The following AGPAT4 variants were observed in gnomAD, a reference collection of about 807,000 sequenced individuals.
The protein encoded by AGPAT4 is 1-acyl-sn-glycerol-3-phosphate acyltransferase delta.
A neutral mutation model predicts 48.0 loss-of-function variants in AGPAT4; 15 were observed. That is an observed-to-expected ratio of 0.31 (90% CI 0.21 to 0.48). The LOEUF (loss-of-function observed/expected upper bound fraction) is 0.48. Among genes scored for constraint, AGPAT4 ranks in the 20% least tolerant of loss-of-function variants. AGPAT4 has a pLI of 0.99. For synonymous variants in AGPAT4, 178 were observed against 198.7 expected, an observed-to-expected ratio of 0.90 and a Z score of 0.88; for missense variants, 314 against 482.5, an observed-to-expected ratio of 0.65 and a Z score of 3.27.
At position 161,144,841 on chromosome 6, in the gene AGPAT4, C is replaced by A. The variant is rs956114293; in HGVS notation, c.843+1683G>T. 6.6e-6 allele frequency among the ~76,000 whole-genome samples: 1 copy of A among 152,022 alleles called. No homozygotes were observed. Among genetic ancestry groups the A allele is most frequent in the Non-Finnish European group, 1.5e-5 (1 of 68,018 alleles). On this transcript the variant is annotated intron_variant, in intron 7 of 8. Coordinates refer to ENST00000320285, the MANE Select transcript of AGPAT4 (RefSeq NM_020133.3). The surrounding 1 kb of genome is among the most constrained non-coding windows in gnomAD (Gnocchi z 6.6). Reference sequence around the variant, plus strand: ...TAAACATACAAAAAAATTAGCCGGGCATGGTGGCGGGTGCCTGTAGTCCCA... The same window carrying A: ...TAAACATACAAAAAAATTAGCCGGGAATGGTGGCGGGTGCCTGTAGTCCCA...
chr6:161,134,904 T>C lies in AGPAT4; in HGVS notation c.*1636A>G, dbSNP rs1191877370. ...CCTGCCTGCAGGGCCGCCAGCGAGT[T>C]AACTCAGGCCCTAGGCTCTGCAGTA... On this transcript the variant is annotated 3_prime_UTR_variant, in exon 9 of 9. Transcript: ENST00000320285. 6.6e-6 allele frequency: 1 copy of C among 152,316 alleles called. No individual in the cohort carries two copies. The highest frequency in any genetic ancestry group is 1.5e-5 in the Non-Finnish European group (1 of 68,090). The allele number at this position is 152,316 out of a possible 1,614,324, so 9.4% of individuals were successfully genotyped here.
At chr6:161,213,731 C>T (rs1781575301) in intron 2 of AGPAT4, among the ~76,000 whole-genome samples, 1 of 152,114 alleles carries the variant, frequency 6.6e-6, no homozygotes, top group African/African-American at 2.4e-5. Context: ...TGTTCTTTTG[C>T]TTGTTGTTGT....
intron 2 of AGPAT4, among the ~76,000 whole-genome samples, chr6:161,205,761 T>TAACAAC (rs140797829): frequency 1.1e-3 from 160 of 149,120 alleles, no homozygotes; most frequent in African/African-American, 3.2e-3. Flanking sequence ...ATAATAATAA[T>TAACAAC]AACAACAAAC....
chr6:161,176,755 G>A (rs1472143507), intron 2 of AGPAT4, among the ~76,000 whole-genome samples: 1 of 152,148 alleles, frequency 6.6e-6, no homozygotes, highest in Non-Finnish European at 1.5e-5. Context: ...TTACAATTTG[G>A]CATGTTTTTG....
At position 161,255,936 on chromosome 6, in the gene AGPAT4, A is replaced by G. The variant is rs1373587132; in HGVS notation, c.-90+18002T>C. ...AAAAAACACTGGCCCCACAGAAGAC[A>G]AAACATAAGCAGAGTCAGCCTTCAG... is the stretch of plus-strand genomic sequence containing the variant. On this transcript the variant is annotated intron_variant, in intron 1 of 8. Coordinates refer to ENST00000320285, the MANE Select transcript of AGPAT4 (RefSeq NM_020133.3). The surrounding 1 kb of genome is among the most constrained non-coding windows in gnomAD (Gnocchi z 4.7). Among the ~76,000 whole-genome samples, 1 of 152,206 alleles carries G rather than the reference A, an allele frequency of 6.6e-6. No homozygotes were observed. Among genetic ancestry groups the G allele is most frequent in the Admixed American group, 6.5e-5 (1 of 15,276 alleles).
intron 3 of AGPAT4, among the ~76,000 whole-genome samples, chr6:161,163,702 T>C (rs1319418435): frequency 1.3e-5 from 2 of 152,208 alleles, no homozygotes; most frequent in Admixed American, 1.3e-4. Flanking sequence ...AGAATGTGCA[T>C]AACAATGGCA....
rs948406501 is a variant in AGPAT4, at chr6:161,130,782, C to T, written c.*5758G>A. 10 of 503,222 alleles carry T rather than the reference C, an allele frequency of 2.0e-5. No individual in the cohort carries two copies. Among genetic ancestry groups the T allele is most frequent in the Non-Finnish European group, 2.0e-5 (5 of 249,092 alleles). 31.2% of individuals were successfully genotyped at this position (503,222 alleles called of 1,614,324 possible). A position where few individuals can be genotyped will look rare whatever the true frequency, so the allele number is the denominator to read the frequency against. On this transcript the variant is annotated 3_prime_UTR_variant, in exon 9 of 9. Coordinates refer to ENST00000320285, the MANE Select transcript of AGPAT4 (RefSeq NM_020133.3). ...CAGCTGAGGCCATGCCATTGCTACC[C>T]GGAAGCTGGCTCTGCAGCGTTGTGA...
chr6:161,170,334 T>C (rs1022010681), intron 2 of AGPAT4, among the ~76,000 whole-genome samples: 7 of 152,188 alleles, frequency 4.6e-5, no homozygotes, highest in African/African-American at 1.7e-4. Flanking sequence ...TATTGAACCC[T>C]GACCGAGAGA....
At chr6:161,253,165 A>T (rs577147057) in intron 1 of AGPAT4, among the ~76,000 whole-genome samples, 2 of 151,684 alleles carry the variant, frequency 1.3e-5, no homozygotes, top group African/African-American at 4.8e-5. Context: ...GTGAGCCAAG[A>T]TTAAGCCACT....
Position 161,158,499 on chromosome 6 carries a change from A to G in AGPAT4, c.349-4189T>C, listed in dbSNP as rs1222772181. 2.0e-5 allele frequency among the ~76,000 whole-genome samples: 3 copies of G among 152,196 alleles called. No individual in the cohort carries two copies. The highest frequency in any genetic ancestry group is 4.4e-5 in the Non-Finnish European group (3 of 68,040). On this transcript the variant is annotated intron_variant, in intron 3 of 8. Coordinates refer to ENST00000320285, the MANE Select transcript of AGPAT4 (RefSeq NM_020133.3). The surrounding 1 kb of genome is among the most constrained non-coding windows in gnomAD (Gnocchi z 5.3). Reference sequence around the variant, plus strand: ...AACCACTATGGAGAGAGAGAGTGAAAGAGAGAGTTGTCTTAGGGCAGGTGC... The same window carrying G: ...AACCACTATGGAGAGAGAGAGTGAAGGAGAGAGTTGTCTTAGGGCAGGTGC...
chr6:161,210,794 A>C lies in AGPAT4; in HGVS notation c.178+21242T>G, dbSNP rs9458152. On this transcript the variant is annotated intron_variant, in intron 2 of 8. Coordinates refer to ENST00000320285, the MANE Select transcript of AGPAT4 (RefSeq NM_020133.3). ...CAAAAATTTGGCATAGGGGTTACAA[A>C]ACTATAAACCCAGCCCAAATCAGAA... Among the ~76,000 whole-genome samples, 837 of 152,342 alleles carry C rather than the reference A, an allele frequency of 5.5e-3. 8 individuals carry two copies. The highest frequency in any genetic ancestry group is 0.019 in the African/African-American group (805 of 41,592).
chr6:161,212,192 A>T lies in AGPAT4; in HGVS notation c.178+19844T>A, dbSNP rs1377169343. ...TATGGTCAAGATTAAAATTTTATAG[A>T]TTGTTTACAAAATTTTGAAAAACAA... On this transcript the variant is annotated intron_variant, in intron 2 of 8. Coordinates refer to ENST00000320285, the MANE Select transcript of AGPAT4 (RefSeq NM_020133.3). This position sits in a 1 kb window ranked among gnomAD's most constrained non-coding sequence, Gnocchi z 6.1. Among the ~76,000 whole-genome samples the T allele has an allele frequency of 6.6e-6, 1 of 152,156 alleles. No individual in the cohort carries two copies. Among genetic ancestry groups the T allele is most frequent in the African/African-American group, 2.4e-5 (1 of 41,452 alleles).
At position 161,255,506 on chromosome 6, in the gene AGPAT4, A is replaced by G. The variant is rs1240902772; in HGVS notation, c.-90+18432T>C. On this transcript the variant is annotated intron_variant, in intron 1 of 8. Coordinates refer to ENST00000320285, the MANE Select transcript of AGPAT4 (RefSeq NM_020133.3). This position sits in a 1 kb window ranked among gnomAD's most constrained non-coding sequence, Gnocchi z 4.7. The stretch of plus-strand genomic sequence containing the variant: ...ACTGATGCGTGGATAAATACAATAC[A>G]GTATATCCATAAAATGGAATATTCT... Among the ~76,000 whole-genome samples the G allele has an allele frequency of 6.6e-6, 1 of 152,242 alleles. No individual in the cohort carries two copies. The highest frequency in any genetic ancestry group is 1.5e-5 in the Non-Finnish European group (1 of 68,046).
intron 3 of AGPAT4, among the ~76,000 whole-genome samples, chr6:161,157,667 AT>A (rs1779801139): frequency 6.6e-6 from 1 of 152,206 alleles, no homozygotes; most frequent in East Asian, 1.9e-4. Context: ...CAGCCTTAAA[AT>A]TTTGGATGTT....
chr6:161,228,661 T>TAAAAAAAAAAAAAAAAAAAAAAA lies in AGPAT4; in HGVS notation c.178+3374_178+3375insTTTTTTTTTTTTTTTTTTTTTTT, dbSNP rs375011382. Among the ~76,000 whole-genome samples, 184 of 84,046 alleles carry TAAAAAAAAAAAAAAAAAAAAAAA rather than the reference T, an allele frequency of 2.2e-3. 5 individuals carry two copies. The highest frequency in any genetic ancestry group is 4.9e-3 in the African/African-American group (87 of 17,864). 55.1% of individuals were successfully genotyped at this position (84,046 alleles called of 152,430 possible). On this transcript the variant is annotated intron_variant, in intron 2 of 8. Coordinates refer to ENST00000320285, the MANE Select transcript of AGPAT4 (RefSeq NM_020133.3). ...TTTGAAACCCACAATGTCAGAGAGG[T>TAAAAAAAAAAAAAAAAAAAAAAA]AAAAAAAAAAAAAAAAGCCAGTCTT...
rs920649149 is a variant in AGPAT4 at position 161,245,105 on chromosome 6, T to C, written c.-89-12803A>G. 6.6e-6 allele frequency among the ~76,000 whole-genome samples: 1 copy of C among 152,258 alleles called. No individual in the cohort carries two copies. Among genetic ancestry groups the C allele is most frequent in the Admixed American group, 6.5e-5 (1 of 15,286 alleles). ...TATGCCAACCAGGGTAGAAACCTCC[T>C]TGGGAATCGAGAAATTGCGACTCTA... On this transcript the variant is annotated intron_variant, in intron 1 of 8. Coordinates refer to ENST00000320285, the MANE Select transcript of AGPAT4 (RefSeq NM_020133.3). This position sits in a 1 kb window ranked among gnomAD's most constrained non-coding sequence, Gnocchi z 5.2.
rs549566032 is a variant in AGPAT4 at position 161,138,723 on chromosome 6, G to A, written c.1042+699C>T. ...TGCCGTCTCTCCCGGGCTCTCCAAA[G>A]CCTCAGAGGACGCCAGGCTTGGGGA... On this transcript the variant is annotated intron_variant, in intron 8 of 8. Transcript: ENST00000320285. This position sits in a 1 kb window ranked among gnomAD's most constrained non-coding sequence, Gnocchi z 4.8. Among the ~76,000 whole-genome samples, 7 of 152,300 alleles carry A rather than the reference G, an allele frequency of 4.6e-5. No individual in the cohort carries two copies. In the South Asian group the frequency reaches 1.4e-3, roughly 32 times the overall value.
chr6:161,188,927 A>G (rs1384023486), intron 2 of AGPAT4, among the ~76,000 whole-genome samples: 1 of 152,202 alleles, frequency 6.6e-6, no homozygotes, highest in Non-Finnish European at 1.5e-5. Context: ...GGTCATGCCC[A>G]TTCTGGGGGC....
chr6:161,189,559 G>A lies in AGPAT4; in HGVS notation c.179-23142C>T, dbSNP rs545597958. Among the ~76,000 whole-genome samples the A allele has an allele frequency of 1.3e-5, 2 of 152,268 alleles. No homozygotes were observed. The highest frequency in any genetic ancestry group is 4.8e-5 in the African/African-American group (2 of 41,564). The stretch of plus-strand genomic sequence containing the variant: ...TCCTCTGCACAGATGAAGAAGCTGA[G>A]GCTCTGAAAGTCTTAGCAACTTGCC... On this transcript the variant is annotated intron_variant, in intron 2 of 8. Coordinates refer to ENST00000320285, the MANE Select transcript of AGPAT4 (RefSeq NM_020133.3). This position sits in a 1 kb window ranked among gnomAD's most constrained non-coding sequence, Gnocchi z 5.3.
Sources: allele counts gnomAD v4.1 joint callset (sites outside exome capture counted in the v4.1 genomes callset), GRCh38; gene constraint gnomAD v4.1.1; non-coding constraint Gnocchi (gnomAD v3.1); transcripts MANE v1.5; gene names NCBI Gene and HGNC (gene_info 2026-07-23, HGNC 2026-07-21).